The following NTNG1 variants were observed in gnomAD, a reference collection of about 807,000 sequenced individuals.
NTNG1 encodes netrin G1, also known as netrin-G1.
In NTNG1, 16 loss-of-function variants were observed where a neutral mutation model predicts 54.0. That is an observed-to-expected ratio of 0.30 (90% CI 0.20 to 0.45). The LOEUF (loss-of-function observed/expected upper bound fraction) is 0.45. NTNG1 is among the 20% of genes least tolerant of loss of function. The probability of loss-of-function intolerance (pLI) is 1.00; values close to 1 mark genes in which losing one functional copy is unlikely to be tolerated. For synonymous variants in NTNG1, 255 were observed against 263.1 expected, an observed-to-expected ratio of 0.97 and a Z score of 0.30; for missense variants, 530 against 678.7, an observed-to-expected ratio of 0.78 and a Z score of 2.43.
At chr1:107,389,810 A>C (rs1176441233) in intron 3 of NTNG1, among the ~76,000 whole-genome samples, 1 of 152,116 alleles carries the variant, frequency 6.6e-6, no homozygotes, top group East Asian at 1.9e-4. Context: ...CAGACATGTG[A>C]CTGCTAGCAG....
chr1:107,237,870 T>A (rs1327219422), intron 2 of NTNG1, among the ~76,000 whole-genome samples: 1 of 152,196 alleles, frequency 6.6e-6, no homozygotes, highest in African/African-American at 2.4e-5. Context: ...GCTGCAGGGA[T>A]GGGACCCTCA....
chr1:107,265,539 T>G (rs1361098501), intron 2 of NTNG1, among the ~76,000 whole-genome samples: 1 of 152,156 alleles, frequency 6.6e-6, no homozygotes, highest in Admixed American at 6.5e-5. Context: ...GCAAGCCTAG[T>G]GACATAAATG....
At chr1:107,458,534 T>C (rs1268142902) in intron 7 of NTNG1, among the ~76,000 whole-genome samples, 1 of 152,156 alleles carries the variant, frequency 6.6e-6, no homozygotes. Flanking sequence ...AAAATAGGTA[T>C]CATTTGAGAC....
chr1:107,192,947 C>T (rs4497242), intron 2 of NTNG1, among the ~76,000 whole-genome samples: 9,748 of 152,064 alleles, frequency 0.064, 415 homozygotes, highest in African/African-American at 0.12. Flanking sequence ...GTTTTCCTTT[C>T]AAATTCCATG....
At chr1:107,469,424 A>C (rs1191495673) in intron 7 of NTNG1, among the ~76,000 whole-genome samples, 1 of 152,160 alleles carries the variant, frequency 6.6e-6, no homozygotes, top group Non-Finnish European at 1.5e-5. Context: ...ATAGACAGAC[A>C]TCCACCATTC....
chr1:107,273,433 T>G (rs1664274269), intron 2 of NTNG1, among the ~76,000 whole-genome samples: 3 of 152,210 alleles, frequency 2.0e-5, no homozygotes. Context: ...CCTTTGAAAG[T>G]GCAAAATGTA....
At chr1:107,299,227 C>G (rs1666174433) in intron 2 of NTNG1, among the ~76,000 whole-genome samples, 1 of 152,118 alleles carries the variant, frequency 6.6e-6, no homozygotes, top group African/African-American at 2.4e-5. Context: ...CAAAGTCAGT[C>G]TAACCAACTA....
At chr1:107,450,112 T>A (rs1201809398) in intron 7 of NTNG1, among the ~76,000 whole-genome samples, 2 of 152,114 alleles carry the variant, frequency 1.3e-5, no homozygotes, top group African/African-American at 4.8e-5. Flanking sequence ...GAAAAATATA[T>A]TAACACCTGT....
intron 3 of NTNG1, among the ~76,000 whole-genome samples, chr1:107,352,483 G>T (rs996154291): frequency 6.6e-6 from 1 of 152,152 alleles, no homozygotes; most frequent in Non-Finnish European, 1.5e-5. Context: ...TCTGAGTGGA[G>T]GCTCCAGCCC....
At chr1:107,285,698 C>T (rs986848665) in intron 2 of NTNG1, among the ~76,000 whole-genome samples, 5 of 152,100 alleles carry the variant, frequency 3.3e-5, no homozygotes, top group Non-Finnish European at 7.4e-5. Flanking sequence ...CAGAAATTGT[C>T]GAAAACAATG....
chr1:107,354,884 G>T (rs1451375329), intron 3 of NTNG1, among the ~76,000 whole-genome samples: 1 of 152,144 alleles, frequency 6.6e-6, no homozygotes, highest in African/African-American at 2.4e-5. Flanking sequence ...AGTTTTTTAT[G>T]ATAGCAAACT....
At chr1:107,462,290 A>T (rs1333011062) in intron 7 of NTNG1, among the ~76,000 whole-genome samples, 1 of 152,216 alleles carries the variant, frequency 6.6e-6, no homozygotes, top group African/African-American at 2.4e-5. Context: ...CATAATGATC[A>T]GGAAAAATAG....
At chr1:107,260,728 AAAT>A (rs1557851111) in intron 2 of NTNG1, 1 of 152,174 alleles carries the variant, frequency 6.6e-6, no homozygotes, top group Non-Finnish European at 1.5e-5. Flanking sequence ...CATTATTACC[AAAT>A]AATACTATTG....
chr1:107,312,871 T>C (rs965562369), intron 2 of NTNG1, among the ~76,000 whole-genome samples: 2 of 152,204 alleles, frequency 1.3e-5, no homozygotes, highest in Non-Finnish European at 2.9e-5. Flanking sequence ...ATAGAAAAGA[T>C]GCATACAATA....
chr1:107,256,330 T>C (rs547035907), intron 2 of NTNG1, among the ~76,000 whole-genome samples: 1 of 152,350 alleles, frequency 6.6e-6, no homozygotes, highest in Non-Finnish European at 1.5e-5. Context: ...TCTGGAGCTA[T>C]GAACTGCTAA....
rs755223720 is a variant in NTNG1, at chr1:107,297,216, CATATATAT to C, written c.247-27043_247-27036del. 9.0e-4 allele frequency among the ~76,000 whole-genome samples: 14 copies of C among 15,504 alleles called. 1 individual carries two copies. In the East Asian group the frequency reaches 0.011, roughly 12 times the overall value. The allele number at this position is 15,504 out of a possible 152,430, so 10.2% of individuals were successfully genotyped here. A position where few individuals can be genotyped will look rare whatever the true frequency, so the allele number is the denominator to read the frequency against. On this transcript the variant is annotated intron_variant, in intron 2 of 7. Coordinates refer to ENST00000370068, the MANE Select transcript of NTNG1 (RefSeq NM_001113226.3). ...ATATAACATCATATATATATACCAT[CATATATAT>C]ATATATATATATATATATATATGCG...
chr1:107,144,140 G>A (rs1653938372), intron 1 of NTNG1, among the ~76,000 whole-genome samples: 1 of 152,090 alleles, frequency 6.6e-6, no homozygotes, highest in African/African-American at 2.4e-5. Flanking sequence ...GCTGCAAAGA[G>A]CATTGAATAC....
intron 5 of NTNG1, among the ~76,000 whole-genome samples, chr1:107,411,456 A>G (rs983730965): frequency 5.3e-5 from 8 of 152,134 alleles, no homozygotes; most frequent in Admixed American, 1.3e-4. Flanking sequence ...ACAGCATCCA[A>G]ATATTTTTGT....
chr1:107,385,298 C>G (rs575155626), intron 3 of NTNG1, among the ~76,000 whole-genome samples: 1 of 152,196 alleles, frequency 6.6e-6, no homozygotes, highest in African/African-American at 2.4e-5. Flanking sequence ...AGTCCCCTCA[C>G]CGCCACGCCA....
Sources: allele counts gnomAD v4.1 joint callset (sites outside exome capture counted in the v4.1 genomes callset), GRCh38; gene constraint gnomAD v4.1.1; transcripts MANE v1.5; gene names NCBI Gene and HGNC (gene_info 2026-07-23, HGNC 2026-07-21).